MAP4: variants seen among roughly 807,000 people sequenced by gnomAD.
MAP4 encodes microtubule-associated protein 4.
In MAP4, 76 loss-of-function variants were observed where a neutral mutation model predicts 170.2. The observed-to-expected ratio is 0.45, with a 90% CI of 0.37 to 0.54. MAP4 has a LOEUF of 0.54. Ranked by LOEUF, MAP4 falls within the 20% of genes least tolerant of loss-of-function variation. MAP4 has a pLI of 0.00. For synonymous variants in MAP4, 909 were observed against 994.5 expected (o/e 0.91, Z 1.62); for missense variants, 2,506 against 2,748.0 (o/e 0.91, Z 1.97).
chr3:47,918,976 A>G, intron 5 of MAP4, 135 bp from the exon 6 acceptor site: 1 of 624,498 alleles, frequency 1.6e-6, no homozygotes, highest in Non-Finnish European at 2.6e-6. Context: ...TTGCCCACGC[A>G]GACAGAGTGA....
chr3:47,911,490 T>C lies in MAP4; in HGVS notation c.2931A>G (p.Ile977Met), dbSNP rs1272285468. Residue 977 changes from isoleucine to methionine, a missense_variant, in exon 9 of 21, where the codon ATA becomes ATG. Transcript: ENST00000683076. This position sits in a 1 kb window ranked among gnomAD's most constrained non-coding sequence, Gnocchi z 4.0. ...GATTACATTCTAATGGATTACTTGCTATCAAAGTGGGTACCAAATTTGGTA... is the reference window on the plus strand; with the variant it reads ...GATTACATTCTAATGGATTACTTGCCATCAAAGTGGGTACCAAATTTGGTA... ...KEIPNLVPTL[I>M]ASNPLECNLK... The C allele has an allele frequency of 5.9e-6, 9 of 1,535,994 alleles. No homozygotes were observed. The highest frequency in any genetic ancestry group is 1.4e-5 in the African/African-American group (1 of 73,160).
intron 10 of MAP4, among the ~76,000 whole-genome samples, chr3:47,884,673 C>T (rs28429841): frequency 0.043 from 6,547 of 152,162 alleles, 472 homozygotes; most frequent in African/African-American, 0.15. Flanking sequence ...ATGCTGGAAA[C>T]ATAGAATAGA....
chr3:47,864,840 C>T (rs1233239244), intron 17 of MAP4, among the ~76,000 whole-genome samples: 2 of 152,204 alleles, frequency 1.3e-5, no homozygotes, highest in Non-Finnish European at 2.9e-5. Flanking sequence ...GCACTCCAGG[C>T]TGGGCGACAG....
At chr3:48,008,889 G>A (rs761926392) in intron 1 of MAP4, among the ~76,000 whole-genome samples, 22 of 152,252 alleles carry the variant, frequency 1.4e-4, no homozygotes, top group Non-Finnish European at 2.4e-4. Flanking sequence ...AGCAGAGACC[G>A]ACACCAAGCC....
chr3:47,983,339 T>C (rs2100086501), intron 2 of MAP4, among the ~76,000 whole-genome samples: 1 of 152,214 alleles, frequency 6.6e-6, no homozygotes, highest in South Asian at 2.1e-4. Context: ...CTCCCAAGTA[T>C]ATGGTGACAA....
intron 12 of MAP4, among the ~76,000 whole-genome samples, chr3:47,874,193 C>T (rs1559853041): frequency 6.6e-6 from 1 of 152,136 alleles, no homozygotes; most frequent in Admixed American, 6.6e-5. Context: ...ACAGGACTGG[C>T]GCGGTGGCTC....
At chr3:47,866,347 AAAACAAACAAACAAAC>A (rs375667786) in intron 17 of MAP4, among the ~76,000 whole-genome samples, 2 of 151,168 alleles carry the variant, frequency 1.3e-5, no homozygotes, top group African/African-American at 2.4e-5. Context: ...AAACAAAAAC[AAAACAAACAAACAAAC>A]AAACAAACAA....
At chr3:47,979,704 G>A (rs1217208849) in intron 2 of MAP4, among the ~76,000 whole-genome samples, 4 of 152,174 alleles carry the variant, frequency 2.6e-5, no homozygotes, top group African/African-American at 4.8e-5. Context: ...CAGGTGATCC[G>A]CCTGCTTCGG....
At chr3:47,981,153 A>G (rs935519812) in intron 2 of MAP4, among the ~76,000 whole-genome samples, 1 of 152,232 alleles carries the variant, frequency 6.6e-6, no homozygotes, top group African/African-American at 2.4e-5. Flanking sequence ...TAAAAACAAC[A>G]AATGTCCACC....
chr3:47,881,946 C>A (rs2096839930), intron 10 of MAP4, among the ~76,000 whole-genome samples: 1 of 151,894 alleles, frequency 6.6e-6, no homozygotes, highest in African/African-American at 2.4e-5. Context: ...CAATCTTTGT[C>A]TTTTAATTGT....
intron 2 of MAP4, among the ~76,000 whole-genome samples, chr3:47,983,431 G>T (rs1038296532): frequency 1.4e-4 from 21 of 151,966 alleles, no homozygotes; most frequent in Admixed American, 1.2e-3. Flanking sequence ...CTGTCACCCA[G>T]GCTGGAGTGC....
intron 1 of MAP4, among the ~76,000 whole-genome samples, chr3:48,086,733 A>G (rs1336875004): frequency 1.3e-5 from 2 of 152,216 alleles, no homozygotes; most frequent in African/African-American, 4.8e-5. Context: ...TTTATTACTG[A>G]TTAGGCAGCC....
intron 1 of MAP4, among the ~76,000 whole-genome samples, chr3:48,086,935 T>C (rs1315412326): frequency 6.6e-6 from 1 of 152,202 alleles, no homozygotes; most frequent in African/African-American, 2.4e-5. Context: ...TCTGAACTAC[T>C]ATGTGGGGGT....
At chr3:47,917,585 C>CAA (rs397877787) in intron 6 of MAP4, among the ~76,000 whole-genome samples, 20 of 92,686 alleles carry the variant, frequency 2.2e-4, no homozygotes, top group South Asian at 7.2e-4. Context: ...GAGTCCGTCT[C>CAA]AAAAAAAAAA....
At chr3:47,927,206 C>T (rs1017272403) in intron 4 of MAP4, among the ~76,000 whole-genome samples, 5 of 151,426 alleles carry the variant, frequency 3.3e-5, no homozygotes, top group Admixed American at 6.6e-5. Flanking sequence ...TTTTCTTCAC[C>T]CTCCCCCCAT....
intron 3 of MAP4, among the ~76,000 whole-genome samples, chr3:47,945,068 G>C (rs1314893293): frequency 6.6e-6 from 1 of 150,864 alleles, no homozygotes; most frequent in Non-Finnish European, 1.5e-5. Context: ...AAATCAGATT[G>C]CTGGCCAGGC....
intron 1 of MAP4, among the ~76,000 whole-genome samples, chr3:48,000,668 C>T (rs1475561705): frequency 1.3e-5 from 2 of 152,146 alleles, no homozygotes; most frequent in Admixed American, 1.3e-4. Flanking sequence ...AGTGAGCGGC[C>T]TTCATCTTTC....
rs1364870755 is a variant in MAP4 at position 47,921,873 on chromosome 3, A to T, written c.421T>A (p.Phe141Ile). 1 of 1,439,542 alleles carries T rather than the reference A, an allele frequency of 6.9e-7. No individual in the cohort carries two copies. Among genetic ancestry groups the T allele is most frequent in the East Asian group, 2.3e-5 (1 of 44,128 alleles). The allele number at this position is 1,439,542 out of a possible 1,614,324, so 89.2% of individuals were successfully genotyped here. A position where few individuals can be genotyped will look rare whatever the true frequency, so the allele number is the denominator to read the frequency against. ...AGGTCATCATCATGGTACATCTTAA[A>T]GGGATCTGGAATATAGAAGAAATCC... is the stretch of plus-strand genomic sequence containing the variant. ...QVVDPIQTDP[F>I]KMYHDDDLAD... Residue 141 changes from phenylalanine to isoleucine, a missense_variant, in exon 5 of 21, where the codon TTT becomes ATT. This residue lies in a region of MAP4 where 2,008 missense variants were observed against 2,206.0 expected (regional missense o/e 0.91). Coordinates refer to ENST00000683076, the MANE Select transcript of MAP4 (RefSeq NM_001385682.1).
At chr3:48,041,868 G>C (rs1379342692) in intron 1 of MAP4, among the ~76,000 whole-genome samples, 1 of 152,086 alleles carries the variant, frequency 6.6e-6, no homozygotes, top group Non-Finnish European at 1.5e-5. Context: ...ACATACTACA[G>C]AAAGCTATAA....
Sources: allele counts gnomAD v4.1 joint callset (sites outside exome capture counted in the v4.1 genomes callset), GRCh38; gene constraint gnomAD v4.1.1; regional missense constraint gnomAD v4.1.1; non-coding constraint Gnocchi (gnomAD v3.1); transcripts MANE v1.5; gene names NCBI Gene and HGNC (gene_info 2026-07-23, HGNC 2026-07-21).